LRRIQ3: variants seen among roughly 807,000 people sequenced by gnomAD.
LRRIQ3 encodes leucine-rich repeat and IQ domain-containing protein 3.
In LRRIQ3, 75 loss-of-function variants were observed where a neutral mutation model predicts 59.3. The observed-to-expected ratio is 1.26, with a 90% CI of 1.05 to 1.53. LRRIQ3 has a LOEUF of 1.53. Ranked by LOEUF, LRRIQ3 falls within the 40% of genes most tolerant of loss-of-function variation. The pLI, the probability that LRRIQ3 is intolerant of heterozygous loss-of-function variation, is 0.00. For synonymous variants in LRRIQ3, 250 were observed against 231.3 expected, an observed-to-expected ratio of 1.08 and a Z score of -0.73; for missense variants, 831 against 710.0, an observed-to-expected ratio of 1.17 and a Z score of -1.94.
In LRRIQ3 at chr1:74,165,099, T is replaced by G. The variant is rs1648895272; in HGVS notation, c.574-9233A>C. On this transcript the variant is annotated intron_variant, in intron 3 of 7. Transcript: ENST00000354431. ...GTCTAAAAATAAGGTAACTGATGCATCCCACTTTTTTCTTGTTTTTCTAAG... is the reference window on the plus strand; with the variant it reads ...GTCTAAAAATAAGGTAACTGATGCAGCCCACTTTTTTCTTGTTTTTCTAAG... Among the ~76,000 whole-genome samples the G allele has an allele frequency of 2.0e-5, 3 of 151,650 alleles. No homozygotes were observed. The South Asian group carries it at 6.2e-4, about 31-fold the overall frequency.
At chr1:74,034,039 T>A (rs532510689) in intron 7 of LRRIQ3, among the ~76,000 whole-genome samples, 1 of 152,140 alleles carries the variant, frequency 6.6e-6, no homozygotes, top group African/African-American at 2.4e-5. Flanking sequence ...GGGTATTTTA[T>A]TAACTTTCTA....
At chr1:74,040,799 G>C (rs756553319) in intron 7 of LRRIQ3, among the ~76,000 whole-genome samples, 1 of 152,154 alleles carries the variant, frequency 6.6e-6, no homozygotes. Flanking sequence ...AGTATTAAGA[G>C]GGAAATTTAT....
At chr1:74,045,826 CAGCCAATTCATG>C (rs1374187057) in intron 6 of LRRIQ3, among the ~76,000 whole-genome samples, 1 of 151,308 alleles carries the variant, frequency 6.6e-6, no homozygotes, top group Non-Finnish European at 1.5e-5. Context: ...AAAAGACAAA[CAGCCAATTCATG>C]AGTGAACTCC....
intron 1 of LRRIQ3, among the ~76,000 whole-genome samples, chr1:74,187,042 C>T (rs983348973): frequency 8.6e-5 from 13 of 152,022 alleles, no homozygotes; most frequent in African/African-American, 2.9e-4. Flanking sequence ...ACAATAGATG[C>T]TGTCGTGGAT....
At chr1:74,180,624 C>A in intron 3 of LRRIQ3, 1 of 1,195,628 alleles carries the variant, frequency 8.4e-7, no homozygotes, top group Non-Finnish European at 1.2e-6. Flanking sequence ...CCTCTTTCCA[C>A]ACTCAGTGTG....
At chr1:74,169,627 T>C (rs1355134423) in intron 3 of LRRIQ3, among the ~76,000 whole-genome samples, 1 of 152,050 alleles carries the variant, frequency 6.6e-6, no homozygotes, top group African/African-American at 2.4e-5. Context: ...TTGTAGCTCA[T>C]TGCAGCCTCA....
intron 1 of LRRIQ3, among the ~76,000 whole-genome samples, chr1:74,185,871 A>G (rs1650335870): frequency 6.6e-6 from 1 of 151,860 alleles, no homozygotes. Flanking sequence ...TGAACCCAGG[A>G]GCGTGCACTC....
chr1:74,140,943 C>A (rs1006313277), intron 4 of LRRIQ3, among the ~76,000 whole-genome samples: 8 of 151,756 alleles, frequency 5.3e-5, no homozygotes, highest in Admixed American at 4.6e-4. Context: ...TGAAAAAATT[C>A]ATGTAATATA....
intron 6 of LRRIQ3, among the ~76,000 whole-genome samples, chr1:74,070,945 G>A (rs1655007771): frequency 6.7e-6 from 1 of 149,498 alleles, no homozygotes; most frequent in South Asian, 2.1e-4. Flanking sequence ...CCTTTAGCAG[G>A]GTGGTCCGTG....
At chr1:74,043,394 C>T (rs1014203705) in intron 6 of LRRIQ3, among the ~76,000 whole-genome samples, 1 of 151,956 alleles carries the variant, frequency 6.6e-6, no homozygotes, top group Non-Finnish European at 1.5e-5. Context: ...TCTAGACGGA[C>T]AGTAGAAAAT....
At chr1:74,063,826 TTTAAA>T (rs150852573) in intron 6 of LRRIQ3, among the ~76,000 whole-genome samples, 3,721 of 152,072 alleles carry the variant, frequency 0.024, 140 homozygotes, top group African/African-American at 0.085. Flanking sequence ...GTAGATTGTT[TTTAAA>T]TTAAATCTGG....
intron 6 of LRRIQ3, among the ~76,000 whole-genome samples, chr1:74,053,465 T>G (rs1032133373): frequency 1.3e-5 from 2 of 152,026 alleles, no homozygotes; most frequent in African/African-American, 4.8e-5. Context: ...AGAAAACTAT[T>G]TCAAAACACA....
intron 4 of LRRIQ3, among the ~76,000 whole-genome samples, chr1:74,123,652 G>A (rs1384614117): frequency 2.0e-5 from 3 of 152,028 alleles, no homozygotes; most frequent in African/African-American, 4.8e-5. Flanking sequence ...TTCTGTGGCT[G>A]AATAGTATTT....
At chr1:74,135,400 C>A (rs1417981058) in intron 4 of LRRIQ3, among the ~76,000 whole-genome samples, 1 of 151,854 alleles carries the variant, frequency 6.6e-6, no homozygotes, top group East Asian at 1.9e-4. Context: ...TATCAACTAA[C>A]TTTACTTAAC....
intron 4 of LRRIQ3, among the ~76,000 whole-genome samples, chr1:74,125,706 TTGG>T (rs772260867): frequency 5.9e-5 from 9 of 151,998 alleles, no homozygotes; most frequent in Non-Finnish European, 1.0e-4. Flanking sequence ...TAAATTCCAC[TTGG>T]TGGTGATGAA....
chr1:74,151,264 C>T (rs985538881), intron 4 of LRRIQ3, among the ~76,000 whole-genome samples: 2 of 151,942 alleles, frequency 1.3e-5, no homozygotes, highest in Admixed American at 1.3e-4. Context: ...GATCTGCCCA[C>T]CTCAGCCTGA....
intron 7 of LRRIQ3, among the ~76,000 whole-genome samples, chr1:74,039,264 G>A (rs930879335): frequency 6.6e-6 from 1 of 152,068 alleles, no homozygotes; most frequent in African/African-American, 2.4e-5. Context: ...AAGTCATGAA[G>A]ACAGGATTAG....
intron 3 of LRRIQ3, among the ~76,000 whole-genome samples, chr1:74,169,997 C>G (rs1649224039): frequency 6.6e-6 from 1 of 152,060 alleles, no homozygotes; most frequent in Non-Finnish European, 1.5e-5. Flanking sequence ...AGTCTGTTAA[C>G]CATTCCTTAT....
At chr1:74,189,129 A>G (rs940710841) in intron 1 of LRRIQ3, among the ~76,000 whole-genome samples, 1 of 152,080 alleles carries the variant, frequency 6.6e-6, no homozygotes, top group African/African-American at 2.4e-5. Context: ...GCTGAGATGA[A>G]CCAGTCTTTC....
Sources: gnomAD v4.1 joint callset for allele counts (sites outside exome capture counted in the v4.1 genomes callset) on GRCh38, gnomAD v4.1.1 for gene constraint, MANE v1.5 for transcripts, NCBI Gene and HGNC (gene_info 2026-07-23, HGNC 2026-07-21) for gene names.